Variants in CD109 observed in about 807,000 individuals in gnomAD.
CD109 encodes CD109 molecule.
CD109 carries 149 observed loss-of-function variants against 165.8 expected under a neutral mutation model. The observed-to-expected ratio is 0.90, with a 90% CI of 0.79 to 1.03. CD109 has a LOEUF of 1.03. CD109 is among the 50% of genes least tolerant of loss of function. The pLI is 0.00. For synonymous variants in CD109, 585 were observed against 592.1 expected (o/e 0.99, Z 0.18); for missense variants, 1,712 against 1,677.8 (o/e 1.02, Z -0.36).
intron 10 of CD109, among the ~76,000 whole-genome samples, chr6:73,764,732 C>A (rs546207354): frequency 3.3e-5 from 5 of 150,790 alleles, no homozygotes; most frequent in Admixed American, 2.7e-4. Context: ...AGAAGAATCG[C>A]TTGAACCCGG....
intron 15 of CD109, among the ~76,000 whole-genome samples, chr6:73,773,055 ATATAT>A (rs1325997203): frequency 6.6e-6 from 1 of 151,396 alleles, no homozygotes; most frequent in East Asian, 1.9e-4. Flanking sequence ...ATCTTGGTAA[ATATAT>A]TATTTCATTT....
At chr6:73,692,097 C>T (rs560045667), upstream of CD109, among the ~76,000 whole-genome samples, 35 of 152,200 alleles carry the variant, frequency 2.3e-4, no homozygotes, top group Non-Finnish European at 3.8e-4. Context: ...GATTCACTAT[C>T]GCAAGAACAG....
At chr6:73,724,206 C>T (rs1380670866) in intron 3 of CD109, among the ~76,000 whole-genome samples, 2 of 152,198 alleles carry the variant, frequency 1.3e-5, no homozygotes, top group African/African-American at 4.8e-5. Flanking sequence ...ACAAGTGCCT[C>T]ACTCACCTCA....
chr6:73,816,624 G>A (rs1397208021), intron 30 of CD109, among the ~76,000 whole-genome samples: 1 of 152,094 alleles, frequency 6.6e-6, no homozygotes, highest in Non-Finnish European at 1.5e-5. Flanking sequence ...TGCCAGGCAT[G>A]GTGTCTGTGT....
chr6:73,709,532 G>T (rs1169214025), intron 2 of CD109, among the ~76,000 whole-genome samples: 1 of 152,182 alleles, frequency 6.6e-6, no homozygotes. Context: ...TTCCAGTTCT[G>T]TGAAGAAAGT....
chr6:73,718,428 T>C (rs1771824192), intron 2 of CD109, among the ~76,000 whole-genome samples: 1 of 152,146 alleles, frequency 6.6e-6, no homozygotes, highest in Admixed American at 6.5e-5. Context: ...GTTCCTTCTA[T>C]ATGCAGTTTT....
intron 16 of CD109, among the ~76,000 whole-genome samples, 178 bp from the exon 17 acceptor site, chr6:73,781,078 TGTG>T (rs1203187430): frequency 1.3e-5 from 2 of 150,976 alleles, no homozygotes; most frequent in African/African-American, 4.9e-5. Flanking sequence ...GAAAGGTTGA[TGTG>T]TGTGTGCGTG....
At chr6:73,719,293 C>T (rs1771861196) in intron 2 of CD109, among the ~76,000 whole-genome samples, 1 of 151,958 alleles carries the variant, frequency 6.6e-6, no homozygotes, top group Non-Finnish European at 1.5e-5. Context: ...AATAAGCCGC[C>T]CCCAGATTTA....
At chr6:73,700,700 A>G (rs1449197232) in intron 2 of CD109, among the ~76,000 whole-genome samples, 4 of 146,682 alleles carry the variant, frequency 2.7e-5, no homozygotes, top group Non-Finnish European at 6.0e-5. Flanking sequence ...TTTTATTTAC[A>G]TTTCCACTTT....
At chr6:73,731,319 C>T (rs1772360633) in intron 4 of CD109, among the ~76,000 whole-genome samples, 1 of 152,254 alleles carries the variant, frequency 6.6e-6, no homozygotes, top group South Asian at 2.1e-4. Flanking sequence ...GCGTGAGCCA[C>T]TGCGCCCAGC....
rs766461833 is a variant in CD109, at chr6:73,810,071, C to G, written c.3443C>G (p.Ala1148Gly). 1.4e-5 allele frequency: 23 copies of G among 1,610,692 alleles called. No homozygotes were observed. The South Asian group carries it at 2.5e-4, about 18-fold the overall frequency. Residue 1148 changes from alanine to glycine, a missense_variant, in exon 27 of 33, where the codon GCA becomes GGA. By Grantham distance (60) the Ala-to-Gly change is moderately conservative. Coordinates refer to ENST00000287097, the MANE Select transcript of CD109 (RefSeq NM_133493.5). Reference protein sequence around the residue: ...RSLDIEVAAYALLSHFLQFQT... With the variant: ...RSLDIEVAAYGLLSHFLQFQT... Reference sequence around the variant, plus strand: ...CTGGATATTGAAGTTGCAGCCTATGCACTGCTCTCACACTTCTTACAATTT... The same window carrying G: ...CTGGATATTGAAGTTGCAGCCTATGGACTGCTCTCACACTTCTTACAATTT...
chr6:73,786,458 T>A (rs1202126301), intron 20 of CD109, among the ~76,000 whole-genome samples: 4 of 152,114 alleles, frequency 2.6e-5, no homozygotes, highest in Admixed American at 6.5e-5. Context: ...TAAATTTTTT[T>A]AATTTTTTAA....
chr6:73,700,665 G>C (rs577307168), intron 2 of CD109, among the ~76,000 whole-genome samples: 10 of 151,530 alleles, frequency 6.6e-5, no homozygotes, highest in African/African-American at 2.2e-4. Flanking sequence ...GAGTTCATTT[G>C]TTTGTTTGAC....
At chr6:73,818,290 A>G in intron 30 of CD109, 98 bp from the exon 31 acceptor site, 1 of 1,263,432 alleles carries the variant, frequency 7.9e-7, no homozygotes, top group Non-Finnish European at 1.1e-6. Flanking sequence ...AGTGTTTGGA[A>G]TAACATTTGG....
At chr6:73,791,355 G>A (rs1053616340) in intron 22 of CD109, among the ~76,000 whole-genome samples, 23 of 150,904 alleles carry the variant, frequency 1.5e-4, no homozygotes, top group African/African-American at 5.4e-4. Flanking sequence ...GCACCACTGT[G>A]CCTGGCCAAT....
chr6:73,806,444 T>A (rs1245301481), intron 24 of CD109, among the ~76,000 whole-genome samples: 1 of 152,240 alleles, frequency 6.6e-6, no homozygotes, highest in South Asian at 2.1e-4. Flanking sequence ...CACACCAACA[T>A]GGCACATGTA....
intron 2 of CD109, among the ~76,000 whole-genome samples, chr6:73,718,367 A>G (rs1305742286): frequency 6.6e-6 from 1 of 151,898 alleles, no homozygotes; most frequent in Non-Finnish European, 1.5e-5. Context: ...CCCATTTAGT[A>G]TCATACTAGC....
In CD109 at chr6:73,721,362, A is replaced by C. The variant is rs868219700; in HGVS notation, c.248-1889A>C. Among the ~76,000 whole-genome samples, 1,061 of 148,066 alleles carry C rather than the reference A, an allele frequency of 7.2e-3. 7 individuals are homozygous for C. The highest frequency in any genetic ancestry group is 0.025 in the African/African-American group (997 of 40,476). On this transcript the variant is annotated intron_variant, in intron 2 of 32. Transcript: ENST00000287097. ...GGAAGTAGAAAATGTAGTAATTTTT[A>C]TTTCTTTTTTTTTTTTTTTTGAGAC...
intron 5 of CD109, 32 bp from the exon 6 acceptor site, chr6:73,756,609 CTT>C: frequency 6.9e-7 from 1 of 1,450,008 alleles, no homozygotes; most frequent in Non-Finnish European, 9.4e-7. Context: ...AACTCATATA[CTT>C]TCCTGTCTTT....
Sources: allele counts gnomAD v4.1 joint callset (sites outside exome capture counted in the v4.1 genomes callset), GRCh38; gene constraint gnomAD v4.1.1; transcripts MANE v1.5; gene names NCBI Gene and HGNC (gene_info 2026-07-23, HGNC 2026-07-21).